The following NEMP2 variants were observed in gnomAD, a reference collection of about 807,000 sequenced individuals.
NEMP2 encodes the protein nuclear envelope integral membrane protein 2, also known as UPF0571 transmembrane protein.
NEMP2 carries 53 observed loss-of-function variants against 54.2 expected under a neutral mutation model. That is an observed-to-expected ratio of 0.98 (90% CI 0.78 to 1.23). NEMP2 has a LOEUF of 1.23. Ranked by LOEUF, NEMP2 falls within the 50% of genes most tolerant of loss-of-function variation. The pLI is 0.00. For synonymous variants in NEMP2, 197 were observed against 190.3 expected (o/e 1.04, Z -0.29); for missense variants, 455 against 511.3 (o/e 0.89, Z 1.06).
the NEMP2 span, among the ~76,000 whole-genome samples, chr2:190,424,577 C>T: frequency 6.6e-6 from 1 of 152,204 alleles, no homozygotes; most frequent in Admixed American, 6.5e-5. The surrounding 1 kb of genome is among the most constrained non-coding windows in gnomAD (Gnocchi z 5.9). Flanking sequence ...TCAGGTGATC[C>T]GTCCACCTCG....
the NEMP2 span, among the ~76,000 whole-genome samples, chr2:190,476,229 C>T: frequency 6.6e-6 from 1 of 151,964 alleles, no homozygotes; most frequent in African/African-American, 2.4e-5. Flanking sequence ...AATTAAAGAG[C>T]TTCTGCACAG....
intron 5 of NEMP2, among the ~76,000 whole-genome samples, chr2:190,517,092 A>G (rs1461353456): frequency 2.7e-5 from 1 of 37,580 alleles, no homozygotes; most frequent in African/African-American, 5.8e-5. Context: ...CTGTGTCTCA[A>G]AAAAAAAAAA....
the NEMP2 span, among the ~76,000 whole-genome samples, chr2:190,469,254 C>CT: frequency 0.012 from 1,903 of 152,272 alleles, 17 homozygotes; most frequent in Non-Finnish European, 0.02. The surrounding 1 kb of genome is among the most constrained non-coding windows in gnomAD (Gnocchi z 5.3). Context: ...CCTTCAGAGT[C>CT]TCCTTGTGAA....
At chr2:190,452,536 A>G in the NEMP2 span, among the ~76,000 whole-genome samples, 2 of 152,230 alleles carry the variant, frequency 1.3e-5, no homozygotes, top group South Asian at 2.1e-4. Context: ...AATAATGAAC[A>G]TAGGATTTAA....
chr2:190,478,028 C>T, the NEMP2 span, among the ~76,000 whole-genome samples: 1 of 152,104 alleles, frequency 6.6e-6, no homozygotes, highest in Admixed American at 6.5e-5. Flanking sequence ...GGGGCTAGGG[C>T]TTGAAGCATT....
At chr2:190,454,461 A>T in the NEMP2 span, 1 of 152,162 alleles carries the variant, frequency 6.6e-6, no homozygotes, top group Non-Finnish European at 1.5e-5. This position sits in a 1 kb window ranked among gnomAD's most constrained non-coding sequence, Gnocchi z 4.6. Flanking sequence ...GGGCCCTCAT[A>T]ATGGGGTTAG....
intron 5 of NEMP2, 106 bp from the exon 6 acceptor site, chr2:190,516,490 G>T: frequency 2.5e-6 from 2 of 806,302 alleles, no homozygotes; most frequent in Non-Finnish European, 3.9e-6. Context: ...ACATCAAACT[G>T]ATTTGAAGTC....
the NEMP2 span, among the ~76,000 whole-genome samples, chr2:190,466,465 A>G: frequency 6.6e-6 from 1 of 152,234 alleles, no homozygotes; most frequent in Admixed American, 6.5e-5. Flanking sequence ...GGCTTCCTCA[A>G]AATGGTTGGT....
chr2:190,468,962 C>G, the NEMP2 span, among the ~76,000 whole-genome samples: 2 of 152,266 alleles, frequency 1.3e-5, no homozygotes, highest in Non-Finnish European at 1.5e-5. Context: ...AGTAGCCACT[C>G]TTTGCTTCCA....
At chr2:190,460,530 G>A in the NEMP2 span, among the ~76,000 whole-genome samples, 5 of 152,112 alleles carry the variant, frequency 3.3e-5, no homozygotes, top group Non-Finnish European at 5.9e-5. Flanking sequence ...CTTCCGTTCC[G>A]GACTATTTAC....
At chr2:190,485,244 C>A in the NEMP2 span, among the ~76,000 whole-genome samples, 2 of 152,064 alleles carry the variant, frequency 1.3e-5, no homozygotes, top group Non-Finnish European at 2.9e-5. The surrounding 1 kb of genome is among the most constrained non-coding windows in gnomAD (Gnocchi z 5.1). Context: ...AGCCTTCACA[C>A]TTAAAAGAAT....
At chr2:190,578,803 A>G in the NEMP2 span, among the ~76,000 whole-genome samples, 3 of 150,706 alleles carry the variant, frequency 2.0e-5, no homozygotes, top group African/African-American at 4.9e-5. The surrounding 1 kb of genome is among the most constrained non-coding windows in gnomAD (Gnocchi z 4.4). Flanking sequence ...GGGAGGGAGG[A>G]CTTTTATGGA....
At chr2:190,540,180 G>C in the NEMP2 span, among the ~76,000 whole-genome samples, 5 of 152,006 alleles carry the variant, frequency 3.3e-5, no homozygotes, top group African/African-American at 1.2e-4. Flanking sequence ...ACGATCATAT[G>C]GTTTTTGTTC....
chr2:190,590,273 A>T, the NEMP2 span, among the ~76,000 whole-genome samples: 4 of 152,190 alleles, frequency 2.6e-5, no homozygotes, highest in African/African-American at 9.7e-5. The surrounding 1 kb of genome is among the most constrained non-coding windows in gnomAD (Gnocchi z 5.1). Context: ...TTTCCAGATT[A>T]TGGTGTTTTT....
chr2:190,560,867 C>G, the NEMP2 span, among the ~76,000 whole-genome samples: 23 of 152,224 alleles, frequency 1.5e-4, no homozygotes, highest in African/African-American at 5.5e-4. The surrounding 1 kb of genome is among the most constrained non-coding windows in gnomAD (Gnocchi z 5.4). Context: ...AATACAAATA[C>G]CAGTTTTTAT....
chr2:190,593,164 G>A, the NEMP2 span, among the ~76,000 whole-genome samples: 1 of 152,270 alleles, frequency 6.6e-6, no homozygotes, highest in East Asian at 1.9e-4. The surrounding 1 kb of genome is among the most constrained non-coding windows in gnomAD (Gnocchi z 4.5). Flanking sequence ...GCTTATGTTT[G>A]TAAAACTCCC....
the NEMP2 span, among the ~76,000 whole-genome samples, chr2:190,581,704 G>A: frequency 0.23 from 35,412 of 152,044 alleles, 5,236 homozygotes; most frequent in Non-Finnish European, 0.33. Flanking sequence ...TATGTTGAGA[G>A]ATATATATGT....
chr2:190,500,535 A>C (rs1689977997), downstream of NEMP2: 1 of 295,836 alleles, frequency 3.4e-6, no homozygotes, highest in Admixed American at 4.6e-5. The surrounding 1 kb of genome is among the most constrained non-coding windows in gnomAD (Gnocchi z 5.3). Flanking sequence ...ACCGGCAGTT[A>C]CACTAAGTAA....
At chr2:190,640,787 A>ATTTTT in the NEMP2 span, among the ~76,000 whole-genome samples, 1 of 118,024 alleles carries the variant, frequency 8.5e-6, no homozygotes, top group African/African-American at 3.5e-5. Context: ...AACACATTCA[A>ATTTTT]TTTTTTTTTT....
Sources: gnomAD v4.1 joint callset for allele counts (sites outside exome capture counted in the v4.1 genomes callset) on GRCh38, gnomAD v4.1.1 for gene constraint, Gnocchi (gnomAD v3.1) non-coding constraint, MANE v1.5 for transcripts, NCBI Gene and HGNC (gene_info 2026-07-23, HGNC 2026-07-21) for gene names.